CUX1: variants seen among roughly 807,000 people sequenced by gnomAD.
CUX1 encodes protein CASP.
CUX1 carries 31 observed loss-of-function variants against 158.8 expected under a neutral mutation model. The observed-to-expected ratio is 0.20, with a 90% CI of 0.15 to 0.26. The LOEUF (loss-of-function observed/expected upper bound fraction) is 0.26. Among genes scored for constraint, CUX1 ranks in the 10% least tolerant of loss-of-function variants. CUX1 has a pLI of 1.00. For missense variants in CUX1, 1,589 were observed against 2,014.6 expected, an observed-to-expected ratio of 0.79 and a Z score of 4.04; for synonymous variants, 879 against 862.1, an observed-to-expected ratio of 1.02 and a Z score of -0.34.
chr7:101,975,216 A>G (rs1812499852), intron 2 of CUX1, among the ~76,000 whole-genome samples: 2 of 151,528 alleles, frequency 1.3e-5, no homozygotes, highest in Non-Finnish European at 2.9e-5. Flanking sequence ...GTGCCACTGT[A>G]CTCCAGCCTG....
intron 4 of CUX1, among the ~76,000 whole-genome samples, chr7:102,079,697 A>T (rs1307530046): frequency 6.6e-6 from 1 of 152,118 alleles, no homozygotes; most frequent in Non-Finnish European, 1.5e-5. Context: ...TCCCTTTACA[A>T]ATCCTCAGTT....
At chr7:101,834,472 C>T (rs1004975485) in intron 1 of CUX1, among the ~76,000 whole-genome samples, 41 of 152,038 alleles carry the variant, frequency 2.7e-4, no homozygotes, top group African/African-American at 9.7e-4. Flanking sequence ...CACGCCCAGC[C>T]TTATTTTCTA....
chr7:101,852,632 T>A (rs946395696), intron 1 of CUX1, among the ~76,000 whole-genome samples: 2 of 150,290 alleles, frequency 1.3e-5, no homozygotes, highest in African/African-American at 2.4e-5. Context: ...AATAAAAAAA[T>A]TTTAAAAAAG....
At chr7:102,003,457 G>A (rs1329525433) in intron 2 of CUX1, among the ~76,000 whole-genome samples, 1 of 152,222 alleles carries the variant, frequency 6.6e-6, no homozygotes, top group Non-Finnish European at 1.5e-5. Flanking sequence ...AGCAGGGCTG[G>A]AGTGCCAGCC....
intron 20 of CUX1, among the ~76,000 whole-genome samples, chr7:102,209,576 T>C (rs1796325767): frequency 6.6e-6 from 1 of 152,232 alleles, no homozygotes; most frequent in Non-Finnish European, 1.5e-5. Flanking sequence ...AATATTTTTT[T>C]TTGTTTGCTT....
rs180814595 is a variant in CUX1 at position 102,243,556 on chromosome 7, T to C, written c.3887+3972T>C. Among the ~76,000 whole-genome samples the C allele has an allele frequency of 1.5e-4, 22 of 151,034 alleles. No homozygotes were observed. The East Asian group carries it at 4.1e-3, about 28-fold the overall frequency. Reference sequence around the variant, plus strand: ...GGCTCATGCCTGGAACTCCACCACATTGGGAGGCTGAAGCAGGAGGATGGT... The same window carrying C: ...GGCTCATGCCTGGAACTCCACCACACTGGGAGGCTGAAGCAGGAGGATGGT... On this transcript the variant is annotated intron_variant, in intron 23 of 23. Transcript: ENST00000292535.
Position 102,255,294 on chromosome 7 carries a change from G to A in CUX1, c.*6252G>A. 1.0e-6 allele frequency: 1 copy of A among 984,518 alleles called. No homozygotes were observed. Among genetic ancestry groups the A allele is most frequent in the African/African-American group, 1.8e-5 (1 of 56,972 alleles). The allele number at this position is 984,518 out of a possible 1,614,324, so 61.0% of individuals were successfully genotyped here. A position where few individuals can be genotyped will look rare whatever the true frequency, so the allele number is the denominator to read the frequency against. On this transcript the variant is annotated 3_prime_UTR_variant, in exon 24 of 24. Coordinates refer to ENST00000292535, the MANE Select transcript of CUX1 (RefSeq NM_181552.4). ...TCTCGAGTTTTCATTTTTGGATGAA[G>A]TGACATTTAGCTTTAACAAGACATT...
intron 3 of CUX1, among the ~76,000 whole-genome samples, chr7:102,031,674 T>G (rs2129341022): frequency 6.6e-6 from 1 of 152,268 alleles, no homozygotes; most frequent in Non-Finnish European, 1.5e-5. Context: ...TATGTATACT[T>G]AAGGTATACA....
At chr7:102,034,161 A>AAAAAAAAAC in intron 3 of CUX1, among the ~76,000 whole-genome samples, 1 of 150,956 alleles carries the variant, frequency 6.6e-6, no homozygotes, top group Non-Finnish European at 1.5e-5. Context: ...AAAAAAAAAA[A>AAAAAAAAAC]AAAAAAGTCA....
At chr7:102,114,638 G>A (rs1352359205) in intron 7 of CUX1, among the ~76,000 whole-genome samples, 1 of 152,208 alleles carries the variant, frequency 6.6e-6, no homozygotes, top group African/African-American at 2.4e-5. Context: ...AGCCCTTTGG[G>A]AGGCCAAGGT....
intron 2 of CUX1, among the ~76,000 whole-genome samples, chr7:101,968,308 G>C (rs1263213750): frequency 6.6e-6 from 1 of 152,192 alleles, no homozygotes; most frequent in African/African-American, 2.4e-5. Flanking sequence ...CAAGAGTCAA[G>C]AGGTTGAGTC....
chr7:101,857,157 C>T (rs1156806473), intron 1 of CUX1, among the ~76,000 whole-genome samples: 2 of 152,204 alleles, frequency 1.3e-5, no homozygotes, highest in Non-Finnish European at 2.9e-5. Flanking sequence ...CCGGTGTTAG[C>T]GTCACGTGGG....
intron 20 of CUX1, among the ~76,000 whole-genome samples, chr7:102,215,229 CTTTTTTTTTTTTTTTT>C (rs547506149): frequency 1.1e-5 from 1 of 92,750 alleles, no homozygotes; most frequent in African/African-American, 4.3e-5. Flanking sequence ...GTTACTCCAA[CTTTTTTTTTTTTTTTT>C]TTTTTTTTTT....
chr7:101,895,605 T>C (rs1342599862), intron 1 of CUX1, among the ~76,000 whole-genome samples: 1 of 152,170 alleles, frequency 6.6e-6, no homozygotes, highest in Non-Finnish European at 1.5e-5. Flanking sequence ...CAGCTCTGCA[T>C]TGCAGCCCCA....
intron 19 of CUX1, among the ~76,000 whole-genome samples, chr7:102,280,365 T>C (rs1554548912): frequency 1.3e-5 from 2 of 152,112 alleles, no homozygotes; most frequent in African/African-American, 4.8e-5. Flanking sequence ...CCAGGGCCCA[T>C]TCAGGAACAC....
At chr7:102,228,242 G>A (rs143250487) in intron 21 of CUX1, among the ~76,000 whole-genome samples, 225 of 152,022 alleles carry the variant, frequency 1.5e-3, no homozygotes, top group African/African-American at 5.2e-3. Flanking sequence ...CCCAAGCCAG[G>A]CATGAGCCAT....
intron 5 of CUX1, among the ~76,000 whole-genome samples, chr7:102,101,305 A>C (rs1554486280): frequency 6.6e-6 from 1 of 152,190 alleles, no homozygotes; most frequent in East Asian, 1.9e-4. Context: ...AGGTAATGCC[A>C]AGCCCTTTAG....
chr7:101,956,229 T>C (rs1190381279), intron 2 of CUX1, among the ~76,000 whole-genome samples: 1 of 151,190 alleles, frequency 6.6e-6, no homozygotes, highest in Non-Finnish European at 1.5e-5. Flanking sequence ...GTGGTAGGGA[T>C]GAAATGCACG....
chr7:101,978,298 C>T (rs1174643999), intron 2 of CUX1, among the ~76,000 whole-genome samples: 1 of 152,222 alleles, frequency 6.6e-6, no homozygotes, highest in African/African-American at 2.4e-5. Flanking sequence ...ACACCGCCTG[C>T]ACCACCAATC....
Sources: gnomAD v4.1 joint callset for allele counts (sites outside exome capture counted in the v4.1 genomes callset) on GRCh38, gnomAD v4.1.1 for gene constraint, MANE v1.5 for transcripts, NCBI Gene and HGNC (gene_info 2026-07-23, HGNC 2026-07-21) for gene names.